The following DGCR8 variants were observed in gnomAD, a reference collection of about 807,000 sequenced individuals.
DGCR8 encodes the protein microprocessor complex subunit DGCR8.
In DGCR8, 14 loss-of-function variants were observed where a neutral mutation model predicts 78.5. The ratio of observed to expected loss-of-function variants is 0.18; its 90% CI spans 0.12 to 0.28. The LOEUF (loss-of-function observed/expected upper bound fraction) is 0.28. Among genes scored for constraint, DGCR8 ranks in the 10% least tolerant of loss-of-function variants. The pLI, the probability that DGCR8 is intolerant of heterozygous loss-of-function variation, is 1.00. For synonymous variants in DGCR8, 399 were observed against 402.4 expected, an observed-to-expected ratio of 0.99 and a Z score of 0.10; for missense variants, 702 against 1,022.5, an observed-to-expected ratio of 0.69 and a Z score of 4.28.
chr22:20,099,539 G>A (rs1041595601), intron 9 of DGCR8, among the ~76,000 whole-genome samples: 11 of 152,208 alleles, frequency 7.2e-5, no homozygotes, highest in African/African-American at 2.7e-4. Context: ...GGGGAGAAGG[G>A]CTGGGAATGG....
chr22:20,106,736 C>T (rs768722272), intron 11 of DGCR8, 38 bp downstream of exon 11: 17 of 1,478,286 alleles, frequency 1.1e-5, no homozygotes, highest in East Asian at 6.8e-5. Context: ...GGCCGCTGGG[C>T]GGGCGGCCCC....
At chr22:20,108,621 T>C (rs370490880) in intron 12 of DGCR8, 2 of 352,586 alleles carry the variant, frequency 5.7e-6, no homozygotes, top group South Asian at 4.8e-5. Context: ...ACTCTGCCCA[T>C]GGCAGGAGGC....
In DGCR8 at chr22:20,087,231, G is replaced by A; in HGVS notation, c.790G>A (p.Glu264Lys). The A allele has an allele frequency of 6.2e-7, 1 of 1,614,118 alleles. No individual in the cohort carries two copies. Among genetic ancestry groups the A allele is most frequent in the South Asian group, 1.1e-5 (1 of 91,076 alleles). Residue 264 changes from glutamate (E) to lysine (K), a missense_variant, in exon 3 of 14, where the codon GAG becomes AAG. Transcript: ENST00000351989. This position sits in a 1 kb window ranked among gnomAD's most constrained non-coding sequence, Gnocchi z 4.1. Reference protein sequence around the residue: ...GLCAPKKRRTEEKYGGDSDHP... With the variant: ...GLCAPKKRRTKEKYGGDSDHP... ...TTGTGCCCCCAAAAAGAGGCGAACAGAGGAAAAATATGGCGGAGACAGCGA... is the reference window on the plus strand; with the variant it reads ...TTGTGCCCCCAAAAAGAGGCGAACAAAGGAAAAATATGGCGGAGACAGCGA...
rs1306171475 is a variant in DGCR8, at chr22:20,110,747, C to G, written c.*639C>G. 1 of 164,178 alleles carries G rather than the reference C, an allele frequency of 6.1e-6. No individual in the cohort carries two copies. Among genetic ancestry groups the G allele is most frequent in the Non-Finnish European group, 1.3e-5 (1 of 76,330 alleles). 10.2% of individuals were successfully genotyped at this position (164,178 alleles called of 1,614,324 possible). A position where few individuals can be genotyped will look rare whatever the true frequency, so the allele number is the denominator to read the frequency against. Reference sequence around the variant, plus strand: ...ACCATCAAGGTGGTCCCTCTCCAGTCTGGACACGATGCCAGCAAGGATGAC... The same window carrying G: ...ACCATCAAGGTGGTCCCTCTCCAGTGTGGACACGATGCCAGCAAGGATGAC... On this transcript the variant is annotated 3_prime_UTR_variant, in exon 14 of 14. Transcript: ENST00000351989.
Position 20,085,260 on chromosome 22 carries a change from C to G in DGCR8, c.-277-427C>G, listed in dbSNP as rs1348551921. Among the ~76,000 whole-genome samples the G allele has an allele frequency of 6.6e-6, 1 of 152,190 alleles. No individual in the cohort carries two copies. The highest frequency in any genetic ancestry group is 1.5e-5 in the Non-Finnish European group (1 of 68,038). On this transcript the variant is annotated intron_variant, in intron 1 of 13. Transcript: ENST00000351989. This position sits in a 1 kb window ranked among gnomAD's most constrained non-coding sequence, Gnocchi z 6.2. ...GTCTCGCGCTCGCCCTCTGACTGAC[C>G]CAGCCCTTGCAGGTGAGTGGATTGC...
chr22:20,106,143 G>C, intron 9 of DGCR8, 34 bp from the exon 10 acceptor site: 1 of 1,594,324 alleles, frequency 6.3e-7, no homozygotes. Flanking sequence ...GGTGGGCCTG[G>C]TGGGGACTCA....
rs200500458 is a variant in DGCR8, at chr22:20,092,773, C to T, written c.1607-36C>T. 1.0e-4 allele frequency: 162 copies of T among 1,575,076 alleles called. No homozygotes were observed. The African/African-American group carries it at 2.1e-3, about 20-fold the overall frequency. The stretch of plus-strand genomic sequence containing the variant: ...TGTGCACACGCTTTTGATGTCTTGA[C>T]TCGTATGTTTTAAAACAAGTAATTT... On this transcript the variant is annotated intron_variant, in intron 7 of 13. Coordinates refer to ENST00000351989, the MANE Select transcript of DGCR8 (RefSeq NM_022720.7).
rs970848002 is a variant in DGCR8, at chr22:20,085,615, G to T, written c.-277-72G>T. The T allele has an allele frequency of 6.6e-6, 8 of 1,218,882 alleles. No homozygotes were observed. The East Asian group carries it at 2.4e-4, about 37-fold the overall frequency. The allele number at this position is 1,218,882 out of a possible 1,614,324, so 75.5% of individuals were successfully genotyped here. A position where few individuals can be genotyped will look rare whatever the true frequency, so the allele number is the denominator to read the frequency against. ...TTTACTATGCTGTTAATAGTGCTTG[G>T]CTTTTAACTTGGTACCAGGGAATTG... On this transcript the variant is annotated intron_variant, in intron 1 of 13. Transcript: ENST00000351989. This position sits in a 1 kb window ranked among gnomAD's most constrained non-coding sequence, Gnocchi z 6.2.
In DGCR8 at chr22:20,085,057, C is replaced by T. The variant is rs1336792193; in HGVS notation, c.-277-630C>T. On this transcript the variant is annotated intron_variant, in intron 1 of 13. Transcript: ENST00000351989. The surrounding 1 kb of genome is among the most constrained non-coding windows in gnomAD (Gnocchi z 6.2). ...GGCAGGTCCCTTCCCCACAGCCACC[C>T]ACCCCTCTCCTCCATCGGGAACAGA... 2.0e-6 allele frequency: 2 copies of T among 984,236 alleles called. No individual in the cohort carries two copies. The highest frequency in any genetic ancestry group is 4.7e-5 in the South Asian group (1 of 21,264). 61.0% of individuals were successfully genotyped at this position (984,236 alleles called of 1,614,324 possible).
chr22:20,089,858 C>G lies in DGCR8; in HGVS notation c.1023+47C>G, dbSNP rs766482992. On this transcript the variant is annotated intron_variant, in intron 4 of 13. Transcript: ENST00000351989. This position sits in a 1 kb window ranked among gnomAD's most constrained non-coding sequence, Gnocchi z 4.9. ...ACTTTAGGCTTGTAAGTTCTCAGACCAAAACGTGCACATCCACACACATGG... is the reference window on the plus strand; with the variant it reads ...ACTTTAGGCTTGTAAGTTCTCAGACGAAAACGTGCACATCCACACACATGG... 1.2e-6 allele frequency: 2 copies of G among 1,607,666 alleles called. No homozygotes were observed. The highest frequency in any genetic ancestry group is 1.7e-5 in the Admixed American group (1 of 59,304).
chr22:20,110,002 C>G lies in DGCR8; in HGVS notation c.2239-23C>G, dbSNP rs776159990. On this transcript the variant is annotated intron_variant, in intron 13 of 13. Transcript: ENST00000351989. The stretch of plus-strand genomic sequence containing the variant: ...CTGCCAAGCCCACCTCACTGGTACC[C>G]CTGACCTTTGTTGTTCTTTCAGGAG... 2.5e-6 allele frequency: 4 copies of G among 1,612,908 alleles called. No individual in the cohort carries two copies. In the South Asian group the frequency reaches 4.4e-5, roughly 18 times the overall value.
At chr22:20,107,163 C>A in intron 11 of DGCR8, 108 bp from the exon 12 acceptor site, 1 of 1,285,578 alleles carries the variant, frequency 7.8e-7, no homozygotes, top group Non-Finnish European at 1.1e-6. Flanking sequence ...TAGAATGTGC[C>A]CTGGCTGGCC....
At chr22:20,081,656 T>C (rs1164306981) in intron 1 of DGCR8, among the ~76,000 whole-genome samples, 5 of 152,228 alleles carry the variant, frequency 3.3e-5, no homozygotes, top group Admixed American at 3.3e-4. Flanking sequence ...CTGACTTTAA[T>C]GCCAGCTTTC....
rs1250583107 is a variant in DGCR8, at chr22:20,111,412, C to T, written c.*1304C>T. The T allele has an allele frequency of 2.5e-6, 1 of 398,118 alleles. No individual in the cohort carries two copies. The highest frequency in any genetic ancestry group is 2.1e-5 in the African/African-American group (1 of 48,480). 24.7% of individuals were successfully genotyped at this position (398,118 alleles called of 1,614,324 possible). A position where few individuals can be genotyped will look rare whatever the true frequency, so the allele number is the denominator to read the frequency against. On this transcript the variant is annotated 3_prime_UTR_variant, in exon 14 of 14. Coordinates refer to ENST00000351989, the MANE Select transcript of DGCR8 (RefSeq NM_022720.7). Reference sequence around the variant, plus strand: ...AAAACAATGTTGGCCTGTGGGCCGCCCACAACATATCCTTCCCTCACTACC... The same window carrying T: ...AAAACAATGTTGGCCTGTGGGCCGCTCACAACATATCCTTCCCTCACTACC...
chr22:20,091,391 T>G, intron 5 of DGCR8, 44 bp from the exon 6 acceptor site: 1 of 1,599,898 alleles, frequency 6.3e-7, no homozygotes, highest in Non-Finnish European at 8.6e-7. Context: ...CTGACTCCTA[T>G]GTTGGAAGTT....
At position 20,085,850 on chromosome 22, in the gene DGCR8, A is replaced by C; in HGVS notation, c.-114A>C. 1 of 1,491,818 alleles carries C rather than the reference A, an allele frequency of 6.7e-7. No individual in the cohort carries two copies. The allele number at this position is 1,491,818 out of a possible 1,614,324, so 92.4% of individuals were successfully genotyped here. A position where few individuals can be genotyped will look rare whatever the true frequency, so the allele number is the denominator to read the frequency against. ...GCCAGCTTGACTAAGCCGCCAGCGC[A>C]CAGCGCGGCAGGACGCGCCCGGGTC... On this transcript the variant is annotated 5_prime_UTR_variant, in exon 2 of 14. Transcript: ENST00000351989. This position sits in a 1 kb window ranked among gnomAD's most constrained non-coding sequence, Gnocchi z 6.2.
intron 3 of DGCR8, among the ~76,000 whole-genome samples, chr22:20,088,688 G>A (rs1345844490): frequency 6.6e-6 from 1 of 152,216 alleles, no homozygotes; most frequent in Non-Finnish European, 1.5e-5. Context: ...TGGTGGCCTG[G>A]GTACAGGTGT....
chr22:20,090,274 A>G lies in DGCR8; in HGVS notation c.1306+16A>G. 6.4e-7 allele frequency: 1 copy of G among 1,574,280 alleles called. No individual in the cohort carries two copies. Among genetic ancestry groups the G allele is most frequent in the Non-Finnish European group, 8.6e-7 (1 of 1,164,558 alleles). ...GAATCCGTTGGTGAGTTTTTGAAGG[A>G]CTCTTCCCTTCTTGCCTCCTGGGAC... On this transcript the variant is annotated intron_variant, in intron 5 of 13. Coordinates refer to ENST00000351989, the MANE Select transcript of DGCR8 (RefSeq NM_022720.7).
chr22:20,084,958 G>A (rs1602476606), intron 1 of DGCR8: 4 of 985,066 alleles, frequency 4.1e-6, no homozygotes, highest in East Asian at 1.1e-4. Flanking sequence ...AGGGCGGAAC[G>A]GGCTGCAGGT....
Sources: allele counts gnomAD v4.1 joint callset (sites outside exome capture counted in the v4.1 genomes callset), GRCh38; gene constraint gnomAD v4.1.1; non-coding constraint Gnocchi (gnomAD v3.1); transcripts MANE v1.5; gene names NCBI Gene and HGNC (gene_info 2026-07-23, HGNC 2026-07-21).